Variants in IKBIP observed in about 807,000 individuals in gnomAD.
IKBIP encodes the protein IKBKB interacting protein.
IKBIP carries 28 observed loss-of-function variants against 31.0 expected under a neutral mutation model. That is an observed-to-expected ratio of 0.90 (90% confidence interval 0.67 to 1.24). The LOEUF is 1.24. IKBIP is among the 50% of genes most tolerant of loss of function. The probability of loss-of-function intolerance (pLI) is 0.00; values close to 1 mark genes in which losing one functional copy is unlikely to be tolerated. For synonymous variants in IKBIP, 164 were observed against 160.3 expected, an observed-to-expected ratio of 1.02 and a Z score of -0.17; for missense variants, 453 against 441.9, an observed-to-expected ratio of 1.03 and a Z score of -0.23.
chr12:98,614,026 C>T, exon 3 of IKBIP: 1 of 1,608,942 alleles, frequency 6.2e-7, no homozygotes, highest in Non-Finnish European at 8.5e-7. Flanking sequence ...TTTCTACTTT[C>T]TCTATTTTAT....
intron 1 of IKBIP, among the ~76,000 whole-genome samples, chr12:98,643,793 T>C (rs1363742664): frequency 1.3e-5 from 2 of 151,528 alleles, no homozygotes; most frequent in Non-Finnish European, 2.9e-5. Flanking sequence ...GTTTGCTCCT[T>C]TGGGAGCATA....
At chr12:98,623,239 A>C (rs891792778), downstream of IKBIP, among the ~76,000 whole-genome samples, 2 of 149,540 alleles carry the variant, frequency 1.3e-5, no homozygotes, top group African/African-American at 5.0e-5. Context: ...CGGCCTCCCA[A>C]AGTGCTGGGA....
rs779879653 is a variant in IKBIP, at chr12:98,634,250, G to A, written c.297+46C>T. ...GCTGGGATAGAGAAATGATAGTGGG[G>A]TAGTAAAATGGGAAAACCGTCCCAG... On this transcript the variant is annotated intron_variant, in intron 2 of 2. Coordinates refer to ENST00000299157, the MANE Select transcript of IKBIP (RefSeq NM_153687.4). 4.6e-6 allele frequency: 4 copies of A among 860,306 alleles called. No individual in the cohort carries two copies. The Admixed American group carries it at 7.4e-5, about 16-fold the overall frequency. 53.3% of individuals were successfully genotyped at this position (860,306 alleles called of 1,614,324 possible). A position where few individuals can be genotyped will look rare whatever the true frequency, so the allele number is the denominator to read the frequency against.
chr12:98,626,327 T>TG lies in IKBIP; in HGVS notation c.736dup (p.His246ProfsTer8). ...ATCTTCATCTCTGGCAAAGAGGGCATGCTGTTCCTCTTCTAACTTTTCAAT... is the reference window on the plus strand; with the variant it reads ...ATCTTCATCTCTGGCAAAGAGGGCATGGCTGTTCCTCTTCTAACTTTTCAAT... On this transcript the variant is annotated frameshift_variant, in exon 3 of 3. Transcript: ENST00000299157. LOFTEE classifies it high-confidence loss of function. 1 of 1,614,154 alleles carries TG rather than the reference T, an allele frequency of 6.2e-7. No individual in the cohort carries two copies. The highest frequency in any genetic ancestry group is 8.5e-7 in the Non-Finnish European group (1 of 1,179,980).
In IKBIP at chr12:98,631,652, A is replaced by C. The variant is rs547997493; in HGVS notation, c.297+2644T>G. ...GACGGGTGTGGTGGTACACACCTGT[A>C]GTCCCAGCTACTCGGGAGGCTGAGG... On this transcript the variant is annotated intron_variant, in intron 2 of 2. Coordinates refer to ENST00000299157, the MANE Select transcript of IKBIP (RefSeq NM_153687.4). Among the ~76,000 whole-genome samples the C allele has an allele frequency of 1.1e-3, 157 of 149,406 alleles. 2 individuals carry two copies. The highest frequency in any genetic ancestry group is 3.6e-3 in the African/African-American group (147 of 40,796).
rs763887899 is a variant in IKBIP, at chr12:98,644,636, C to T, written c.66G>A (p.Lys22=). 1 of 1,610,970 alleles carries T rather than the reference C, an allele frequency of 6.2e-7. No homozygotes were observed. Among genetic ancestry groups the T allele is most frequent in the South Asian group, 1.1e-5 (1 of 91,032 alleles). ...PKGAPAAEPG[K]RSEGGKTPVA... is the part of the protein sequence containing the mutation. ...CGGGGGTCTTCCCGCCCTCGCTCCG[C>T]TTCCCGGGCTCCGCAGCAGGGGCTC... is the stretch of plus-strand genomic sequence containing the variant. The change falls in exon 1 of 3, where the codon AAG becomes AAA. Residue 22 remains lysine (K), a synonymous_variant. Coordinates refer to ENST00000299157, the MANE Select transcript of IKBIP (RefSeq NM_153687.4).
intron 1 of IKBIP, among the ~76,000 whole-genome samples, chr12:98,644,043 C>G (rs1170722968): frequency 6.6e-6 from 1 of 152,148 alleles, no homozygotes; most frequent in Middle Eastern, 3.2e-3. Context: ...TCTCGAACTC[C>G]TGACCTCAAG....
At chr12:98,613,679 G>A (rs1382669616) in exon 3 of IKBIP, 1 of 1,601,746 alleles carries the variant, frequency 6.2e-7, no homozygotes, top group Non-Finnish European at 8.5e-7. Flanking sequence ...ACTTAAGAAA[G>A]CAATTTCTTT....
At chr12:98,614,175 T>C in exon 3 of IKBIP, 1 of 1,614,024 alleles carries the variant, frequency 6.2e-7, no homozygotes, top group Non-Finnish European at 8.5e-7. Context: ...TCTACTTTTG[T>C]AATGTCTTGA....
rs2097614127 is a variant in IKBIP, at chr12:98,626,221, G to A, written c.843C>T (p.His281=). ...THLPTIESAI[H]SVLRVSQDLI... The stretch of plus-strand genomic sequence containing the variant: ...GATCCTGAGAGACTCTGAGAACAGA[G>A]TGAATAGCACTTTCAATTGTTGGCA... Residue 281 remains histidine (H), a synonymous_variant, in exon 3 of 3, where the codon CAC becomes CAT. Coordinates refer to ENST00000299157, the MANE Select transcript of IKBIP (RefSeq NM_153687.4). 15 of 1,614,146 alleles carry A rather than the reference G, an allele frequency of 9.3e-6. No individual in the cohort carries two copies. The highest frequency in any genetic ancestry group is 1.2e-5 in the Non-Finnish European group (14 of 1,180,012).
At chr12:98,620,001 C>T (rs1489931020), downstream of IKBIP, among the ~76,000 whole-genome samples, 1 of 151,416 alleles carries the variant, frequency 6.6e-6, no homozygotes, top group Admixed American at 6.6e-5. Context: ...TCACTGCAAC[C>T]TCTGCCGCCT....
At chr12:98,618,443 A>ACG (rs2097607567) in intron 2 of IKBIP, among the ~76,000 whole-genome samples, 2 of 151,812 alleles carry the variant, frequency 1.3e-5, no homozygotes, top group Admixed American at 6.6e-5. Flanking sequence ...TGGCTAATGC[A>ACG]GTGAAACCCT....
At chr12:98,635,543 C>T (rs905232435) in intron 1 of IKBIP, among the ~76,000 whole-genome samples, 1 of 152,120 alleles carries the variant, frequency 6.6e-6, no homozygotes, top group Non-Finnish European at 1.5e-5. Flanking sequence ...GATGCATGCA[C>T]AAGAAATATT....
intron 2 of IKBIP, among the ~76,000 whole-genome samples, chr12:98,627,096 G>A (rs2097615220): frequency 6.6e-6 from 1 of 151,954 alleles, no homozygotes; most frequent in Non-Finnish European, 1.5e-5. Context: ...AGCTTCCTGA[G>A]TAGCTGGGAT....
intron 1 of IKBIP, among the ~76,000 whole-genome samples, chr12:98,637,943 G>T (rs2097627261): frequency 6.6e-6 from 1 of 152,198 alleles, no homozygotes; most frequent in African/African-American, 2.4e-5. Flanking sequence ...TAGGGTATAA[G>T]GTCCTTTATT....
At chr12:98,614,722 C>A (rs538560972) in intron 2 of IKBIP, among the ~76,000 whole-genome samples, 2 of 152,192 alleles carry the variant, frequency 1.3e-5, no homozygotes, top group African/African-American at 4.8e-5. Context: ...TGAGCCACCA[C>A]GCCCTGCCTT....
At chr12:98,626,871 T>C in intron 2 of IKBIP, 105 bp from the exon 3 acceptor site, 1 of 805,726 alleles carries the variant, frequency 1.2e-6, no homozygotes, top group Non-Finnish European at 2.0e-6. Flanking sequence ...GTTAAAATTC[T>C]GAAGATGTCT....
At chr12:98,622,326 G>GC (rs1490778344), downstream of IKBIP, among the ~76,000 whole-genome samples, 14 of 152,072 alleles carry the variant, frequency 9.2e-5, no homozygotes, top group African/African-American at 3.1e-4. Flanking sequence ...AGGAGTTTGA[G>GC]ACCAGCCTGG....
In IKBIP at chr12:98,641,557, T is replaced by A. The variant is rs75115600; in HGVS notation, c.179+2966A>T. Reference sequence around the variant, plus strand: ...ATTTTGCAATAAACAGCAACCAAAGTACATTTGCTTCAATTTTTGCAGCAA... The same window carrying A: ...ATTTTGCAATAAACAGCAACCAAAGAACATTTGCTTCAATTTTTGCAGCAA... On this transcript the variant is annotated intron_variant, in intron 1 of 2. Transcript: ENST00000299157. Among the ~76,000 whole-genome samples, 1,001 of 152,318 alleles carry A rather than the reference T, an allele frequency of 6.6e-3. 13 individuals carry two copies. The highest frequency in any genetic ancestry group is 0.023 in the African/African-American group (942 of 41,572).
Sources: allele counts gnomAD v4.1 joint callset (sites outside exome capture counted in the v4.1 genomes callset), GRCh38; gene constraint gnomAD v4.1.1; transcripts MANE v1.5; gene names NCBI Gene and HGNC (gene_info 2026-07-23, HGNC 2026-07-21).